The following ST6GALNAC3 variants were observed in gnomAD, a reference collection of about 807,000 sequenced individuals.
The protein encoded by ST6GALNAC3 is ST6 N-acetylgalactosaminide alpha-2,6-sialyltransferase 3.
Under a neutral mutation model 32.7 loss-of-function variants are expected in ST6GALNAC3, and 25 were observed. The observed-to-expected ratio is 0.76, with a 90% CI of 0.56 to 1.07. The LOEUF (loss-of-function observed/expected upper bound fraction) is 1.07, where lower values mean the gene tolerates loss of function less well. Ranked by LOEUF, ST6GALNAC3 falls within the 50% of genes least tolerant of loss-of-function variation. ST6GALNAC3 has a pLI of 0.00. For missense variants in ST6GALNAC3, 355 were observed against 382.4 expected (o/e 0.93, Z 0.60); for synonymous variants, 129 against 133.1 (o/e 0.97, Z 0.21).
At chr1:76,157,002 A>G (rs1489237112) in intron 1 of ST6GALNAC3, among the ~76,000 whole-genome samples, 1 of 152,156 alleles carries the variant, frequency 6.6e-6, no homozygotes, top group Non-Finnish European at 1.5e-5. Context: ...AAGTGCTGGG[A>G]TTACAGGTGT....
intron 2 of ST6GALNAC3, among the ~76,000 whole-genome samples, chr1:76,328,126 G>T (rs906174725): frequency 2.6e-5 from 4 of 152,110 alleles, no homozygotes; most frequent in Non-Finnish European, 4.4e-5. Flanking sequence ...ACTGATATTT[G>T]TCCCTGGCTC....
rs374398190 is a variant in ST6GALNAC3, at chr1:76,488,031, C to T, written c.623+75614C>T. Among the ~76,000 whole-genome samples the T allele has an allele frequency of 7.2e-5, 11 of 152,194 alleles. No individual in the cohort carries two copies. The East Asian group carries it at 1.9e-3, about 27-fold the overall frequency. On this transcript the variant is annotated intron_variant, in intron 3 of 4. Coordinates refer to ENST00000328299, the MANE Select transcript of ST6GALNAC3 (RefSeq NM_152996.4). ...GCCTGGGTATCAGCAGCGGAGGCTGCAGAACAGAGAAGAATAAAACCAGAA... is the reference window on the plus strand; with the variant it reads ...GCCTGGGTATCAGCAGCGGAGGCTGTAGAACAGAGAAGAATAAAACCAGAA...
intron 1 of ST6GALNAC3, among the ~76,000 whole-genome samples, chr1:76,137,668 G>C (rs189570210): frequency 1.1e-3 from 163 of 151,790 alleles, no homozygotes; most frequent in Non-Finnish European, 2.1e-3. Context: ...TCTCTTCTCT[G>C]TAAGTTGCAG....
At chr1:76,265,551 A>G (rs895944909) in intron 1 of ST6GALNAC3, among the ~76,000 whole-genome samples, 1 of 152,126 alleles carries the variant, frequency 6.6e-6, no homozygotes, top group Admixed American at 6.5e-5. Flanking sequence ...ATTTCCCCTC[A>G]GCTCTTTATT....
intron 1 of ST6GALNAC3, among the ~76,000 whole-genome samples, chr1:76,081,331 T>A (rs1296215133): frequency 6.7e-6 from 1 of 148,448 alleles, no homozygotes; most frequent in African/African-American, 2.5e-5. Flanking sequence ...AATCTCATAA[T>A]GTTTTAAGAA....
At chr1:76,183,427 A>G (rs957374127) in intron 1 of ST6GALNAC3, among the ~76,000 whole-genome samples, 1 of 152,252 alleles carries the variant, frequency 6.6e-6, no homozygotes, top group East Asian at 1.9e-4. Context: ...ATATACACAT[A>G]TATTTCACAT....
At chr1:76,341,678 T>C (rs112219092) in intron 2 of ST6GALNAC3, among the ~76,000 whole-genome samples, 2,629 of 120,484 alleles carry the variant, frequency 0.022, 12 homozygotes, top group Middle Eastern at 0.051. Flanking sequence ...TCTTTCTTTC[T>C]TTCCTTCTTT....
At chr1:76,396,618 A>G (rs1181407925) in intron 2 of ST6GALNAC3, among the ~76,000 whole-genome samples, 2 of 152,176 alleles carry the variant, frequency 1.3e-5, no homozygotes, top group South Asian at 2.1e-4. Flanking sequence ...CAGTTTATGA[A>G]TTGCTAATAA....
Position 76,327,306 on chromosome 1 carries a change from G to A in ST6GALNAC3, c.213+13307G>A, listed in dbSNP as rs535291809. 2.2e-3 allele frequency among the ~76,000 whole-genome samples: 337 copies of A among 150,198 alleles called. 2 individuals are homozygous for A. Among genetic ancestry groups the A allele is most frequent in the South Asian group, 4.2e-3 (20 of 4,770 alleles). On this transcript the variant is annotated intron_variant, in intron 2 of 4. Coordinates refer to ENST00000328299, the MANE Select transcript of ST6GALNAC3 (RefSeq NM_152996.4). The stretch of plus-strand genomic sequence containing the variant: ...TGTGTGTGTGTGTGTGTGTGTGTGT[G>A]TGTGTGTGTATGTGTGTATAGAGAG...
chr1:76,411,900 T>G, intron 2 of ST6GALNAC3, 108 bp from the exon 3 acceptor site: 1 of 1,227,094 alleles, frequency 8.1e-7, no homozygotes, highest in Non-Finnish European at 1.1e-6. Flanking sequence ...TTCAGAGATA[T>G]TTCCATATTT....
intron 2 of ST6GALNAC3, among the ~76,000 whole-genome samples, chr1:76,395,551 G>A (rs555158207): frequency 1.3e-5 from 2 of 151,994 alleles, no homozygotes; most frequent in Non-Finnish European, 2.9e-5. Context: ...AGTGTCATCA[G>A]TGGCTGAATG....
At chr1:76,570,255 A>G (rs1458346072) in intron 3 of ST6GALNAC3, among the ~76,000 whole-genome samples, 1 of 152,124 alleles carries the variant, frequency 6.6e-6, no homozygotes, top group Admixed American at 6.6e-5. Context: ...GTTATTAAAA[A>G]TGTATGTATG....
intron 1 of ST6GALNAC3, among the ~76,000 whole-genome samples, chr1:76,197,347 G>A (rs1654260956): frequency 1.3e-5 from 2 of 152,126 alleles, no homozygotes; most frequent in African/African-American, 4.8e-5. Context: ...GAACCAAACC[G>A]AGGAAAAAAT....
chr1:76,344,448 TA>T (rs1648323645), intron 2 of ST6GALNAC3, among the ~76,000 whole-genome samples: 2 of 152,316 alleles, frequency 1.3e-5, no homozygotes, highest in Admixed American at 6.5e-5. Flanking sequence ...GTATTATAAA[TA>T]TATGACATAC....
chr1:76,493,220 G>T (rs951036310), intron 3 of ST6GALNAC3, among the ~76,000 whole-genome samples: 8 of 152,108 alleles, frequency 5.3e-5, no homozygotes, highest in Non-Finnish European at 1.0e-4. Flanking sequence ...GATTTTGCAA[G>T]AAGCTAGAGA....
chr1:76,177,711 G>A (rs895302833), intron 1 of ST6GALNAC3, among the ~76,000 whole-genome samples: 12 of 152,086 alleles, frequency 7.9e-5, no homozygotes, highest in Non-Finnish European at 1.6e-4. Flanking sequence ...GATGATTCCC[G>A]AAGATACCAT....
At chr1:76,517,228 G>T (rs1484509825) in intron 3 of ST6GALNAC3, among the ~76,000 whole-genome samples, 3 of 151,440 alleles carry the variant, frequency 2.0e-5, no homozygotes, top group Non-Finnish European at 4.4e-5. Context: ...ACAATATATT[G>T]TTTTATATGT....
intron 3 of ST6GALNAC3, among the ~76,000 whole-genome samples, chr1:76,489,270 CAT>C (rs1344358437): frequency 3.3e-5 from 5 of 152,062 alleles, no homozygotes; most frequent in African/African-American, 9.6e-5. Flanking sequence ...TTGGAAGAAA[CAT>C]ATTTTGCAGG....
At chr1:76,617,027 G>A (rs1040168837) in intron 3 of ST6GALNAC3, among the ~76,000 whole-genome samples, 4 of 152,180 alleles carry the variant, frequency 2.6e-5, no homozygotes, top group African/African-American at 4.8e-5. Context: ...GGAGCCCTAA[G>A]CAACAAGACT....
Sources: allele counts gnomAD v4.1 joint callset (sites outside exome capture counted in the v4.1 genomes callset), GRCh38; gene constraint gnomAD v4.1.1; transcripts MANE v1.5; gene names NCBI Gene and HGNC (gene_info 2026-07-23, HGNC 2026-07-21).